The following PCDHA1 variants were observed in gnomAD, a reference collection of about 807,000 sequenced individuals.
PCDHA1 encodes protocadherin alpha-1.
In PCDHA1, 42 loss-of-function variants were observed where a neutral mutation model predicts 61.3. The ratio of observed to expected loss-of-function variants is 0.69; its 90% CI spans 0.54 to 0.89. PCDHA1 has a LOEUF of 0.89. Among genes scored for constraint, PCDHA1 ranks in the 40% least tolerant of loss-of-function variants. PCDHA1 has a pLI of 0.00. For synonymous variants in PCDHA1, 610 were observed against 553.8 expected (o/e 1.10, Z -1.43); for missense variants, 1,256 against 1,235.3 (o/e 1.02, Z -0.25).
Position 140,787,849 on chromosome 5 carries a change from T to C in PCDHA1, c.1559T>C (p.Leu520Pro), listed in dbSNP as rs1233443870. ...GCGGAGAGCGGCAAGGTGTACGCACTGCAGCCCCTGGACCACGAGGAGCTG... is the reference window on the plus strand; with the variant it reads ...GCGGAGAGCGGCAAGGTGTACGCACCGCAGCCCCTGGACCACGAGGAGCTG... The part of the protein sequence containing the change: ...VHAESGKVYA[L>P]QPLDHEELEL... Residue 520 changes from leucine (L) to proline (P), a missense_variant, in exon 1 of 4, where the codon CTG (leucine) becomes CCG (proline). Transcript: ENST00000504120. The C allele has an allele frequency of 1.2e-6, 2 of 1,612,562 alleles. No homozygotes were observed. Among genetic ancestry groups the C allele is most frequent in the East Asian group, 4.5e-5 (2 of 44,862 alleles).
At chr5:140,834,330 C>T (rs1443082760) in intron 1 of PCDHA1, 11 of 1,472,318 alleles carry the variant, frequency 7.5e-6, no homozygotes, top group African/African-American at 1.4e-5. Context: ...AAAAACATTC[C>T]TATAAATTCG....
chr5:140,836,036 G>T, intron 1 of PCDHA1: 1 of 1,613,512 alleles, frequency 6.2e-7, no homozygotes, highest in Non-Finnish European at 8.5e-7. Context: ...ACGTGACGCT[G>T]CAGGTGTTCG....
chr5:140,882,303 G>A, intron 1 of PCDHA1: 1 of 1,613,824 alleles, frequency 6.2e-7, no homozygotes. Context: ...CCAAGACCGC[G>A]GCAACTACTG....
At chr5:140,991,614 A>G (rs1554252334) in intron 3 of PCDHA1, among the ~76,000 whole-genome samples, 2 of 152,194 alleles carry the variant, frequency 1.3e-5, no homozygotes, top group Non-Finnish European at 2.9e-5. Flanking sequence ...AGCACCTTTA[A>G]TGCCATATTT....
intron 1 of PCDHA1, chr5:140,848,954 A>G (rs2150426355): frequency 1.4e-5 from 23 of 1,606,754 alleles, no homozygotes; most frequent in Admixed American, 5.1e-5. Flanking sequence ...CTCGGTTTCC[A>G]CTAGAGGGCG....
intron 1 of PCDHA1, chr5:140,862,920 G>A (rs2047655483): frequency 3.6e-6 from 2 of 548,666 alleles, no homozygotes; most frequent in African/African-American, 3.8e-5. Flanking sequence ...CGCCTTGGGT[G>A]GGCTGGCGGC....
At chr5:140,846,310 A>G (rs1373754894) in intron 1 of PCDHA1, among the ~76,000 whole-genome samples, 4 of 145,832 alleles carry the variant, frequency 2.7e-5, no homozygotes, top group African/African-American at 1.0e-4. Context: ...TAAACCATTT[A>G]TGTAGAGTGT....
At chr5:140,792,651 C>T (rs1411679297) in intron 1 of PCDHA1, among the ~76,000 whole-genome samples, 18 of 152,160 alleles carry the variant, frequency 1.2e-4, no homozygotes, top group African/African-American at 3.9e-4. Context: ...TCTGAATATC[C>T]GGTATAATTA....
intron 1 of PCDHA1, chr5:140,877,080 C>A (rs113692468): frequency 9.9e-6 from 16 of 1,612,944 alleles, no homozygotes; most frequent in Non-Finnish European, 1.4e-5. Flanking sequence ...TCCAGGTGAG[C>A]GCGCGCGACG....
rs139314570 is a variant in PCDHA1, at chr5:140,952,780, A to G, written c.2395-26169A>G. 2.0e-3 allele frequency among the ~76,000 whole-genome samples: 310 copies of G among 152,316 alleles called. 3 individuals are homozygous for G. The highest frequency in any genetic ancestry group is 7.3e-3 in the African/African-American group (302 of 41,572). On this transcript the variant is annotated intron_variant, in intron 1 of 3. Transcript: ENST00000504120. ...CTGAGACTGGATAATTTAGAAAGAA[A>G]AGAGGTTTAACTGGCTCGCAGTTCT... is the stretch of plus-strand genomic sequence containing the variant.
intron 1 of PCDHA1, chr5:140,824,081 T>G (rs781799131): frequency 6.2e-7 from 1 of 1,614,124 alleles, no homozygotes; most frequent in Non-Finnish European, 8.5e-7. Context: ...ACAGACCTCA[T>G]GGCCTTCAGT....
At chr5:140,906,807 A>G (rs2072952420) in intron 1 of PCDHA1, among the ~76,000 whole-genome samples, 1 of 152,004 alleles carries the variant, frequency 6.6e-6, no homozygotes, top group African/African-American at 2.4e-5. Flanking sequence ...ACTCTTCCTT[A>G]CCTCCACTGT....
intron 3 of PCDHA1, among the ~76,000 whole-genome samples, chr5:140,996,269 T>C (rs1183604392): frequency 6.6e-6 from 1 of 152,194 alleles, no homozygotes; most frequent in East Asian, 1.9e-4. Context: ...GAGCCTGGGA[T>C]TGCTGCCAAA....
chr5:140,953,607 G>A (rs1040886184), intron 1 of PCDHA1, among the ~76,000 whole-genome samples: 21 of 152,152 alleles, frequency 1.4e-4, no homozygotes, highest in African/African-American at 4.8e-4. Flanking sequence ...ATTCCCCAGA[G>A]TCCTTAGATA....
At position 140,988,717 on chromosome 5, in the gene PCDHA1, T is replaced by C. The variant is rs79402139; in HGVS notation, c.2542+6154T>C. Among the ~76,000 whole-genome samples, 1,208 of 152,334 alleles carry C rather than the reference T, an allele frequency of 7.9e-3. 20 individuals carry two copies. Among genetic ancestry groups the C allele is most frequent in the African/African-American group, 0.027 (1,139 of 41,566 alleles). On this transcript the variant is annotated intron_variant, in intron 3 of 3. Transcript: ENST00000504120. ...CTCTGTATTTTCTTGGACCTCTCATTTGCCCCATAGTAATTATTCTAGGAT... is the reference window on the plus strand; with the variant it reads ...CTCTGTATTTTCTTGGACCTCTCATCTGCCCCATAGTAATTATTCTAGGAT...
intron 1 of PCDHA1, chr5:140,807,875 A>C: frequency 6.2e-7 from 1 of 1,614,190 alleles, no homozygotes; most frequent in Non-Finnish European, 8.5e-7. Context: ...TCAGTTACTC[A>C]TCACAGTACT....
intron 1 of PCDHA1, among the ~76,000 whole-genome samples, chr5:140,916,853 T>G (rs1233420106): frequency 1.3e-5 from 2 of 152,160 alleles, no homozygotes; most frequent in East Asian, 3.9e-4. Flanking sequence ...AGCCCAGCAC[T>G]AGGAGTTACC....
chr5:140,822,737 C>T lies in PCDHA1; in HGVS notation c.2394+34053C>T, dbSNP rs140652619. Reference sequence around the variant, plus strand: ...AACTCATATGAAATTAATATTGATGCCATGGATAAAAGTACATTCCCATTA... The same window carrying T: ...AACTCATATGAAATTAATATTGATGTCATGGATAAAAGTACATTCCCATTA... On this transcript the variant is annotated intron_variant, in intron 1 of 3. Transcript: ENST00000504120. The T allele has an allele frequency of 1.5e-5, 24 of 1,613,148 alleles. No homozygotes were observed. The highest frequency in any genetic ancestry group is 1.9e-5 in the Non-Finnish European group (22 of 1,179,124).
intron 1 of PCDHA1, chr5:140,869,878 ACT>A: frequency 6.2e-7 from 1 of 1,610,122 alleles, no homozygotes; most frequent in Non-Finnish European, 8.5e-7. Context: ...TGCTAAAGAA[ACT>A]CTTGTGCTCA....
Sources: allele counts gnomAD v4.1 joint callset (sites outside exome capture counted in the v4.1 genomes callset), GRCh38; gene constraint gnomAD v4.1.1; transcripts MANE v1.5; gene names NCBI Gene and HGNC (gene_info 2026-07-23, HGNC 2026-07-21).